TNIK: variants seen among roughly 807,000 people sequenced by gnomAD.
The protein encoded by TNIK is TRAF2 and NCK-interacting protein kinase.
In TNIK, 49 loss-of-function variants were observed where a neutral mutation model predicts 191.3. That is an observed-to-expected ratio of 0.26 (90% CI 0.20 to 0.32). TNIK has a LOEUF of 0.32. TNIK is among the 10% of genes least tolerant of loss of function. TNIK has a pLI of 1.00. For missense variants in TNIK, 1,155 were observed against 1,702.3 expected, an observed-to-expected ratio of 0.68 and a Z score of 5.66; for synonymous variants, 594 against 600.9, an observed-to-expected ratio of 0.99 and a Z score of 0.17.
chr3:171,087,581 G>A (rs1721534071), intron 23 of TNIK, 75 bp from the exon 24 acceptor site: 42 of 1,534,624 alleles, frequency 2.7e-5, no homozygotes, highest in Non-Finnish European at 3.5e-5. Flanking sequence ...CCCTCACACA[G>A]CATAGGCATA....
intron 18 of TNIK, among the ~76,000 whole-genome samples, chr3:171,114,977 C>G (rs1301374762): frequency 6.6e-6 from 1 of 152,164 alleles, no homozygotes; most frequent in Non-Finnish European, 1.5e-5. Flanking sequence ...TTCTTCCACA[C>G]TGCCCTGTTT....
chr3:171,327,262 A>G (rs1344979979), intron 2 of TNIK, among the ~76,000 whole-genome samples: 2 of 152,208 alleles, frequency 1.3e-5, no homozygotes, highest in Non-Finnish European at 1.5e-5. Flanking sequence ...ACTCAAGTGG[A>G]AAAACACTGG....
At chr3:171,337,225 G>A (rs1757041655) in intron 2 of TNIK, among the ~76,000 whole-genome samples, 1 of 152,220 alleles carries the variant, frequency 6.6e-6, no homozygotes, top group African/African-American at 2.4e-5. Flanking sequence ...CAGGCAGGAA[G>A]TTCCTATGAA....
At chr3:171,197,127 T>A (rs1443239019) in intron 4 of TNIK, among the ~76,000 whole-genome samples, 1 of 152,226 alleles carries the variant, frequency 6.6e-6, no homozygotes, top group East Asian at 1.9e-4. Context: ...AGAAAAATGC[T>A]GAAATACTTA....
At position 171,169,967 on chromosome 3, in the gene TNIK, G is replaced by A. The variant is rs540191391; in HGVS notation, c.774-2697C>T. On this transcript the variant is annotated intron_variant, in intron 9 of 32. Coordinates refer to ENST00000436636, the MANE Select transcript of TNIK (RefSeq NM_015028.4). ...AAAATGAGTCTTCAAAGAAGGATTC[G>A]TAGTGTCTTAAGTTAGCATGACCAA... is the stretch of plus-strand genomic sequence containing the variant. Among the ~76,000 whole-genome samples, 20 of 152,286 alleles carry A rather than the reference G, an allele frequency of 1.3e-4. 1 individual carries two copies. In the East Asian group the frequency reaches 2.5e-3, roughly 19 times the overall value.
intron 17 of TNIK, 59 bp downstream of exon 17, chr3:171,125,853 T>A: frequency 6.3e-7 from 1 of 1,588,800 alleles, no homozygotes; most frequent in South Asian, 1.1e-5. Flanking sequence ...TCTGGAATAG[T>A]GGTAATAAAA....
rs1731538829 is a variant in TNIK at position 171,146,120 on chromosome 3, T to A, written c.1222-5611A>T. On this transcript the variant is annotated intron_variant, in intron 12 of 32. Coordinates refer to ENST00000436636, the MANE Select transcript of TNIK (RefSeq NM_015028.4). ...TCACATCTGTCTCTTTTCTCATGTG[T>A]CAGGCCTCAGAGCAGATTGGTGACC... Among the ~76,000 whole-genome samples the A allele has an allele frequency of 2.0e-5, 3 of 152,314 alleles. No homozygotes were observed. The South Asian group carries it at 6.2e-4, about 32-fold the overall frequency.
At chr3:171,244,986 C>T (rs1745433846) in intron 2 of TNIK, among the ~76,000 whole-genome samples, 1 of 152,062 alleles carries the variant, frequency 6.6e-6, no homozygotes, top group Admixed American at 6.6e-5. Flanking sequence ...TGCTATTTTG[C>T]ATTTAACTAT....
intron 1 of TNIK, among the ~76,000 whole-genome samples, chr3:171,421,724 A>AT (rs67895255): frequency 0.13 from 11,823 of 91,128 alleles, 1,276 homozygotes; most frequent in East Asian, 0.42. Flanking sequence ...TAGTTGTGTA[A>AT]TTTTTTTTTT....
intron 1 of TNIK, among the ~76,000 whole-genome samples, chr3:171,414,906 C>T (rs576592572): frequency 6.6e-6 from 1 of 152,290 alleles, no homozygotes; most frequent in African/African-American, 2.4e-5. Context: ...TTCAGTCTTT[C>T]GAGCCTGTTT....
intron 1 of TNIK, among the ~76,000 whole-genome samples, chr3:171,401,522 T>A (rs1284194029): frequency 6.6e-6 from 1 of 151,980 alleles, no homozygotes; most frequent in Non-Finnish European, 1.5e-5. Flanking sequence ...CAGGGTTCTC[T>A]CAACTAGGAG....
At chr3:171,384,116 C>T (rs1389279239) in intron 1 of TNIK, among the ~76,000 whole-genome samples, 1 of 152,186 alleles carries the variant, frequency 6.6e-6, no homozygotes, top group East Asian at 1.9e-4. Flanking sequence ...CAGTCAAAGC[C>T]TTACCAGTCT....
Position 171,190,691 on chromosome 3 carries a change from T to C in TNIK, c.508+6A>G, listed in dbSNP as rs1189785704. On this transcript the variant is annotated splice_donor_region_variant and intron_variant, in intron 6 of 32. Transcript: ENST00000436636. Reference sequence around the variant, plus strand: ...AATTCCAAGGCTCACAGGATTCTGCTCTTACCTAGTTTAACTTCTGCATTT... The same window carrying C: ...AATTCCAAGGCTCACAGGATTCTGCCCTTACCTAGTTTAACTTCTGCATTT... 24 of 1,579,984 alleles carry C rather than the reference T, an allele frequency of 1.5e-5. No individual in the cohort carries two copies. Among genetic ancestry groups the C allele is most frequent in the Non-Finnish European group, 1.9e-5 (22 of 1,160,314 alleles).
At chr3:171,140,317 G>A in intron 13 of TNIK, 82 bp downstream of exon 13, 1 of 1,177,010 alleles carries the variant, frequency 8.5e-7, no homozygotes. Context: ...GCATTCCTCA[G>A]AAAAGGTGAC....
intron 1 of TNIK, among the ~76,000 whole-genome samples, chr3:171,436,756 A>T (rs1577933033): frequency 6.6e-6 from 1 of 152,198 alleles, no homozygotes; most frequent in African/African-American, 2.4e-5. Context: ...GGGAATCCTA[A>T]CCAGACACTA....
intron 2 of TNIK, among the ~76,000 whole-genome samples, chr3:171,323,428 T>A (rs1755392153): frequency 6.6e-6 from 1 of 151,894 alleles, no homozygotes; most frequent in African/African-American, 2.4e-5. Flanking sequence ...GCCATAAGAG[T>A]GATTTGTGGA....
chr3:171,258,890 TC>T (rs368454978), intron 2 of TNIK, among the ~76,000 whole-genome samples: 31 of 152,324 alleles, frequency 2.0e-4, no homozygotes, highest in African/African-American at 7.5e-4. Flanking sequence ...CTTGGACTGC[TC>T]AGAAGTTCAG....
intron 12 of TNIK, among the ~76,000 whole-genome samples, chr3:171,152,932 C>T (rs1203294226): frequency 4.6e-5 from 7 of 151,864 alleles, no homozygotes; most frequent in South Asian, 2.1e-4. Context: ...CCACCACACC[C>T]GGCTATTTTT....
chr3:171,243,904 G>C (rs544411439), intron 2 of TNIK, among the ~76,000 whole-genome samples: 50 of 152,142 alleles, frequency 3.3e-4, no homozygotes, highest in Middle Eastern at 3.4e-3. Flanking sequence ...CGTGAGAAAA[G>C]AAATCCACCG....
Sources: gnomAD v4.1 joint callset for allele counts (sites outside exome capture counted in the v4.1 genomes callset) on GRCh38, gnomAD v4.1.1 for gene constraint, MANE v1.5 for transcripts, NCBI Gene and HGNC (gene_info 2026-07-23, HGNC 2026-07-21) for gene names.